The following ANKRD18B variants were observed in gnomAD, a reference collection of about 807,000 sequenced individuals.
ANKRD18B encodes the protein ankyrin repeat domain-containing protein 18B.
ANKRD18B carries 75 observed loss-of-function variants against 111.8 expected under a neutral mutation model. That is an observed-to-expected ratio of 0.67 (90% CI 0.56 to 0.81). ANKRD18B has a LOEUF of 0.81. Among genes scored for constraint, ANKRD18B ranks in the 40% least tolerant of loss-of-function variants. The probability of loss-of-function intolerance (pLI) is 0.00; values close to 1 mark genes in which losing one functional copy is unlikely to be tolerated. For synonymous variants in ANKRD18B, 356 were observed against 417.3 expected (o/e 0.85, Z 1.79); for missense variants, 1,038 against 1,225.5 (o/e 0.85, Z 2.28).
chr9:33,548,915 A>G (rs1828407616), intron 11 of ANKRD18B, 60 bp downstream of exon 11: 1 of 1,372,118 alleles, frequency 7.3e-7, no homozygotes, highest in African/African-American at 1.5e-5. Flanking sequence ...CATTGTGGCT[A>G]TATGTTGAAC....
At chr9:33,533,206 C>A (rs2117993464) in intron 3 of ANKRD18B, among the ~76,000 whole-genome samples, 1 of 152,176 alleles carries the variant, frequency 6.6e-6, no homozygotes, top group South Asian at 2.1e-4. Flanking sequence ...ATTTTTGGGA[C>A]TGGTAAATAA....
intron 12 of ANKRD18B, among the ~76,000 whole-genome samples, chr9:33,554,542 C>T (rs1287251623): frequency 2.0e-5 from 3 of 152,098 alleles, no homozygotes; most frequent in East Asian, 3.9e-4. Flanking sequence ...GTGGCTCACG[C>T]CTGTAATTTC....
Position 33,524,472 on chromosome 9 carries a change from A to C in ANKRD18B, c.-18A>C. 6.5e-7 allele frequency: 1 copy of C among 1,537,030 alleles called. No individual in the cohort carries two copies. Among genetic ancestry groups the C allele is most frequent in the Non-Finnish European group, 8.8e-7 (1 of 1,140,376 alleles). ...GGCGTCTCAGGAGCGGGTGGTGGGCATCTGAGAAGTCGCCACCATGAGGAA... is the reference window on the plus strand; with the variant it reads ...GGCGTCTCAGGAGCGGGTGGTGGGCCTCTGAGAAGTCGCCACCATGAGGAA... On this transcript the variant is annotated 5_prime_UTR_variant, in exon 1 of 19. Transcript: ENST00000684830.
chr9:33,548,952 GA>G, intron 11 of ANKRD18B, 97 bp downstream of exon 11: 1 of 1,185,886 alleles, frequency 8.4e-7, no homozygotes, highest in South Asian at 1.9e-5. Flanking sequence ...ATAAATAGAT[GA>G]AAATGTGTTT....
At chr9:33,528,688 T>C (rs773477500) in intron 1 of ANKRD18B, 39 bp from the exon 2 acceptor site, 9 of 1,491,432 alleles carry the variant, frequency 6.0e-6, no homozygotes, top group Non-Finnish European at 7.3e-6. Context: ...TTTTGAGATA[T>C]TGCACTACAT....
chr9:33,524,398 G>A lies in ANKRD18B; in HGVS notation c.-92G>A. Reference sequence around the variant, plus strand: ...GGGTGGATCGCTGGGTGGGGAGGGGGATCTCGAATTTGGAGCTGGGTGGGG... The same window carrying A: ...GGGTGGATCGCTGGGTGGGGAGGGGAATCTCGAATTTGGAGCTGGGTGGGG... On this transcript the variant is annotated 5_prime_UTR_variant, in exon 1 of 19. Transcript: ENST00000684830. 1.6e-6 allele frequency: 2 copies of A among 1,275,484 alleles called. No homozygotes were observed. Among genetic ancestry groups the A allele is most frequent in the South Asian group, 1.6e-5 (1 of 62,462 alleles). The allele number at this position is 1,275,484 out of a possible 1,614,324, so 79.0% of individuals were successfully genotyped here.
intron 4 of ANKRD18B, among the ~76,000 whole-genome samples, chr9:33,534,035 T>C (rs1310553083): frequency 7.2e-5 from 11 of 152,166 alleles, no homozygotes; most frequent in African/African-American, 2.4e-4. Flanking sequence ...GGGAAAGCAA[T>C]GGGAAAATCT....
Position 33,567,130 on chromosome 9 carries a change from G to C in ANKRD18B, c.2770G>C (p.Glu924Gln), listed in dbSNP as rs113765551. Residue 924 changes from glutamate to glutamine, a missense_variant, in exon 16 of 19, where the codon GAG becomes CAG. By Grantham distance (29) the Glu-to-Gln change is conservative. Around this residue, in one of 4 missense-constraint regions of ANKRD18B, gnomAD observed 524 missense variants for 677.9 expected, o/e 0.77. Transcript: ENST00000684830. ...ACAAGCAGAATATGAAAAACAATTA[G>C]AGCAGTTAAACAAGGATAATACGGC... Reference protein sequence around the residue: ...QKQAEYEKQLEQLNKDNTASL... With the variant: ...QKQAEYEKQLQQLNKDNTASL... The C allele has an allele frequency of 9.1e-6, 14 of 1,538,242 alleles. No homozygotes were observed. In the South Asian group the frequency reaches 1.5e-4, roughly 16 times the overall value.
chr9:33,547,932 A>G lies in ANKRD18B; in HGVS notation c.1150-6A>G, dbSNP rs1828384422. On this transcript the variant is annotated splice_region_variant and splice_polypyrimidine_tract_variant and intron_variant, in intron 10 of 18. Transcript: ENST00000684830. ...GCTAACTAAAAATTTGTTTTGTTTT[A>G]TTTAGGATTCTCAAAGTTATGGAAA... 1 of 1,414,786 alleles carries G rather than the reference A, an allele frequency of 7.1e-7. No individual in the cohort carries two copies. The highest frequency in any genetic ancestry group is 9.2e-7 in the Non-Finnish European group (1 of 1,081,976). 87.6% of individuals were successfully genotyped at this position (1,414,786 alleles called of 1,614,324 possible). A position where few individuals can be genotyped will look rare whatever the true frequency, so the allele number is the denominator to read the frequency against.
intron 16 of ANKRD18B, 22 bp downstream of exon 16, chr9:33,567,336 T>A (rs868315717): frequency 6.6e-7 from 1 of 1,521,146 alleles, no homozygotes. Flanking sequence ...CATATACTCA[T>A]AGAAAATGAA....
chr9:33,567,577 T>C (rs1485820340), intron 16 of ANKRD18B, among the ~76,000 whole-genome samples: 1 of 152,242 alleles, frequency 6.6e-6, no homozygotes, highest in Non-Finnish European at 1.5e-5. Flanking sequence ...AGTTAGTTTT[T>C]TTCACTAAGT....
intron 3 of ANKRD18B, among the ~76,000 whole-genome samples, chr9:33,530,121 A>G (rs924886626): frequency 2.0e-5 from 3 of 152,142 alleles, no homozygotes; most frequent in Admixed American, 6.6e-5. Flanking sequence ...GCCACATCCC[A>G]AGTTGATAAA....
intron 3 of ANKRD18B, among the ~76,000 whole-genome samples, chr9:33,533,158 T>G (rs1414306434): frequency 6.6e-6 from 1 of 152,124 alleles, no homozygotes; most frequent in Non-Finnish European, 1.5e-5. Context: ...ATGAAATAAT[T>G]ACAATGGACT....
intron 17 of ANKRD18B, among the ~76,000 whole-genome samples, chr9:33,570,401 A>AT (rs1406003011): frequency 1.3e-5 from 2 of 152,096 alleles, no homozygotes; most frequent in East Asian, 3.9e-4. Flanking sequence ...GCATTCCTCA[A>AT]TATACTTTTG....
intron 5 of ANKRD18B, among the ~76,000 whole-genome samples, chr9:33,536,076 C>T (rs939146212): frequency 3.3e-5 from 5 of 151,996 alleles, no homozygotes; most frequent in African/African-American, 1.2e-4. Flanking sequence ...TAACACAGAC[C>T]TGCTGGCTCT....
chr9:33,558,450 T>C (rs1828559938), intron 14 of ANKRD18B, among the ~76,000 whole-genome samples: 1 of 152,126 alleles, frequency 6.6e-6, no homozygotes, highest in Non-Finnish European at 1.5e-5. Flanking sequence ...GATGCAGTGT[T>C]TGGTTTTTTG....
At chr9:33,553,312 G>T (rs1312532249) in intron 12 of ANKRD18B, among the ~76,000 whole-genome samples, 3 of 152,082 alleles carry the variant, frequency 2.0e-5, no homozygotes, top group African/African-American at 7.2e-5. Context: ...AGGCTGCAGT[G>T]AGCGGTGATC....
At chr9:33,525,300 T>G (rs545156597) in intron 1 of ANKRD18B, among the ~76,000 whole-genome samples, 1 of 152,332 alleles carries the variant, frequency 6.6e-6, no homozygotes, top group Non-Finnish European at 1.5e-5. Flanking sequence ...CAAAACGTGC[T>G]ATTAATTCCC....
Position 33,530,430 on chromosome 9 carries a change from C to T in ANKRD18B, c.495+1257C>T, listed in dbSNP as rs188741173. Among the ~76,000 whole-genome samples, 539 of 149,878 alleles carry T rather than the reference C, an allele frequency of 3.6e-3. 2 individuals are homozygous for T. Among genetic ancestry groups the T allele is most frequent in the Non-Finnish European group, 6.0e-3 (408 of 67,714 alleles). On this transcript the variant is annotated intron_variant, in intron 3 of 18. Transcript: ENST00000684830. ...AGTCCAGCCTGAGGCGGGCAGATCA[C>T]GAGGTCAGGAGATGGAGACCATCCT...
Sources: gnomAD v4.1 joint callset for allele counts (sites outside exome capture counted in the v4.1 genomes callset) on GRCh38, gnomAD v4.1.1 for gene constraint, gnomAD v4.1.1 regional missense constraint, MANE v1.5 for transcripts, NCBI Gene and HGNC (gene_info 2026-07-23, HGNC 2026-07-21) for gene names.